Variants in NFIC observed in about 807,000 individuals in gnomAD.
The protein encoded by NFIC is nuclear factor 1 C-type.
In NFIC, 12 loss-of-function variants were observed where a neutral mutation model predicts 54.4. The observed-to-expected ratio is 0.22, with a 90% CI of 0.14 to 0.36. The LOEUF is 0.36. Among genes scored for constraint, NFIC ranks in the 10% least tolerant of loss-of-function variants. The pLI is 1.00. For missense variants in NFIC, 575 were observed against 718.2 expected, an observed-to-expected ratio of 0.80 and a Z score of 2.28; for synonymous variants, 322 against 319.2, an observed-to-expected ratio of 1.01 and a Z score of -0.09.
intron 2 of NFIC, among the ~76,000 whole-genome samples, chr19:3,392,918 C>G (rs561660606): frequency 2.6e-5 from 4 of 152,298 alleles, no homozygotes; most frequent in African/African-American, 9.6e-5. Flanking sequence ...TGGCTCTTGT[C>G]CCTTCTAAGT....
intron 2 of NFIC, 64 bp from the exon 3 acceptor site, chr19:3,425,042 A>G: frequency 6.4e-7 from 1 of 1,570,178 alleles, no homozygotes; most frequent in Non-Finnish European, 8.7e-7. Flanking sequence ...CAGCATCGAC[A>G]CTTCATCTGC....
At chr19:3,457,745 G>T (rs2082581292) in intron 10 of NFIC, 1 of 152,284 alleles carries the variant, frequency 6.6e-6, no homozygotes, top group African/African-American at 2.4e-5. Flanking sequence ...CACGGGCAAG[G>T]GTCACGGGGC....
At chr19:3,371,881 C>CTCCTTCCTTCCTTCCT (rs758286013) in intron 1 of NFIC, among the ~76,000 whole-genome samples, 15 of 99,914 alleles carry the variant, frequency 1.5e-4, no homozygotes, top group East Asian at 3.3e-4. Flanking sequence ...TTCTTTCTCT[C>CTCCTTCCTTCCTTCCT]TCCTTCCTTC....
rs143130961 is a variant in NFIC, at chr19:3,437,593, G to A, written c.958+2386G>A. 2.7e-3 allele frequency among the ~76,000 whole-genome samples: 388 copies of A among 141,464 alleles called. 3 individuals are homozygous for A. The highest frequency in any genetic ancestry group is 0.025 in the East Asian group (117 of 4,682). 92.8% of individuals were successfully genotyped at this position (141,464 alleles called of 152,430 possible). On this transcript the variant is annotated intron_variant, in intron 6 of 10. Transcript: ENST00000443272. ...AGTCTTGCTTGTTTTGAGAGATCAC[G>A]CCAGTGCACGCCAGCCTGGGCAACA...
intron 2 of NFIC, among the ~76,000 whole-genome samples, chr19:3,414,943 G>C (rs1488210757): frequency 6.6e-6 from 1 of 151,828 alleles, no homozygotes; most frequent in South Asian, 2.1e-4. Flanking sequence ...GGGTTCAAGC[G>C]ATTCTCCTGC....
intron 2 of NFIC, among the ~76,000 whole-genome samples, chr19:3,414,254 C>T (rs1047078421): frequency 6.6e-6 from 1 of 152,154 alleles, no homozygotes; most frequent in African/African-American, 2.4e-5. Flanking sequence ...AGGCAGGTCA[C>T]ATGCAGTCTC....
chr19:3,414,688 C>T (rs1304408198), intron 2 of NFIC, among the ~76,000 whole-genome samples: 1 of 151,920 alleles, frequency 6.6e-6, no homozygotes, highest in East Asian at 1.9e-4. Flanking sequence ...CAAGAATAGG[C>T]AACCCCTTCT....
In NFIC at chr19:3,372,528, C is replaced by T. The variant is rs374701097; in HGVS notation, c.30+5862C>T. ...CCCTTGTGGGACCGACAGTCTAGGCCGGGTCGGGGACGGGCAGGAAACGAG... is the reference window on the plus strand; with the variant it reads ...CCCTTGTGGGACCGACAGTCTAGGCTGGGTCGGGGACGGGCAGGAAACGAG... On this transcript the variant is annotated intron_variant, in intron 1 of 10. Coordinates refer to ENST00000443272, the MANE Select transcript of NFIC (RefSeq NM_001245002.2). Among the ~76,000 whole-genome samples, 38 of 152,230 alleles carry T rather than the reference C, an allele frequency of 2.5e-4. No homozygotes were observed. In the East Asian group the frequency reaches 4.3e-3, roughly 17 times the overall value.
chr19:3,462,861 T>C lies in NFIC; in HGVS notation c.*92T>C, dbSNP rs2082661562. On this transcript the variant is annotated 3_prime_UTR_variant, in exon 11 of 11. Coordinates refer to ENST00000443272, the MANE Select transcript of NFIC (RefSeq NM_001245002.2). The stretch of plus-strand genomic sequence containing the variant: ...CCCGGCCCACGTTTTCGGTGGAAAA[T>C]TAGAGTGAACAAGAACACCCCTGCC... The C allele has an allele frequency of 2.5e-6, 4 of 1,606,328 alleles. No individual in the cohort carries two copies. The highest frequency in any genetic ancestry group is 4.5e-5 in the East Asian group (2 of 44,724).
At chr19:3,360,658 G>T (rs888244365) in intron 1 of NFIC, among the ~76,000 whole-genome samples, 5 of 152,224 alleles carry the variant, frequency 3.3e-5, no homozygotes, top group Non-Finnish European at 7.3e-5. Flanking sequence ...ACGTGCTGGC[G>T]CGTGTTGTGT....
Position 3,435,195 on chromosome 19 carries a change from G to A in NFIC, c.946G>A (p.Asp316Asn), listed in dbSNP as rs773151002. The A allele has an allele frequency of 1.6e-5, 25 of 1,601,832 alleles. No homozygotes were observed. The South Asian group carries it at 2.2e-4, about 14-fold the overall frequency. Residue 316 changes from aspartate (D) to asparagine (N), a missense_variant, in exon 6 of 11, where the codon GAC (aspartate) becomes AAC (asparagine). This residue lies in a region of NFIC where 447 missense variants were observed against 526.9 expected (regional missense o/e 0.85). Coordinates refer to ENST00000443272, the MANE Select transcript of NFIC (RefSeq NM_001245002.2). ...GAGTAGCAGCCGCAACTGGACGGAG[G>A]ACATGGAAGGAGGTAGGGCTGGTGG... ...PTSSSRNWTE[D>N]MEGGISSPVK...
At chr19:3,406,997 G>C (rs975792638) in intron 2 of NFIC, among the ~76,000 whole-genome samples, 14 of 151,948 alleles carry the variant, frequency 9.2e-5, no homozygotes, top group African/African-American at 2.2e-4. Context: ...GAGTGAGCGA[G>C]GGGGAGAGAG....
Position 3,453,451 on chromosome 19 carries a change from C to T in NFIC, c.1270-312C>T, listed in dbSNP as rs1032163089. Among the ~76,000 whole-genome samples the T allele has an allele frequency of 6.6e-6, 1 of 152,158 alleles. No homozygotes were observed. The highest frequency in any genetic ancestry group is 1.5e-5 in the Non-Finnish European group (1 of 68,028). ...AATTAGGAAAAACGCGGAGAACCTGCTGTTAGGAGGCGGTGGCACTGTTTG... is the reference window on the plus strand; with the variant it reads ...AATTAGGAAAAACGCGGAGAACCTGTTGTTAGGAGGCGGTGGCACTGTTTG... On this transcript the variant is annotated intron_variant, in intron 8 of 10. Coordinates refer to ENST00000443272, the MANE Select transcript of NFIC (RefSeq NM_001245002.2). The surrounding 1 kb of genome is among the most constrained non-coding windows in gnomAD (Gnocchi z 6.7).
At chr19:3,383,403 G>A (rs528411293) in intron 2 of NFIC, among the ~76,000 whole-genome samples, 1 of 152,302 alleles carries the variant, frequency 6.6e-6, no homozygotes. Context: ...GGTCCTGGCA[G>A]GAGCGTGGAG....
At chr19:3,435,274 C>T (rs1217961312) in intron 6 of NFIC, 67 bp downstream of exon 6, 2 of 1,452,268 alleles carry the variant, frequency 1.4e-6, no homozygotes, top group African/African-American at 1.4e-5. Context: ...ACTACGTCTT[C>T]CGGCAGCCAC....
At chr19:3,380,221 G>A (rs1385484717) in intron 1 of NFIC, among the ~76,000 whole-genome samples, 1 of 145,794 alleles carries the variant, frequency 6.9e-6, no homozygotes, top group Non-Finnish European at 1.5e-5. Flanking sequence ...AGCCAGGATG[G>A]TCTCAATCTC....
intron 2 of NFIC, among the ~76,000 whole-genome samples, chr19:3,402,560 C>G (rs940378403): frequency 1.3e-5 from 2 of 152,224 alleles, no homozygotes; most frequent in African/African-American, 4.8e-5. Flanking sequence ...TGACATTCCA[C>G]TGGGGAGATG....
At chr19:3,450,373 C>T (rs1211095897) in intron 7 of NFIC, among the ~76,000 whole-genome samples, 6 of 142,490 alleles carry the variant, frequency 4.2e-5, no homozygotes, top group East Asian at 4.3e-4. Context: ...ATCTCCATCT[C>T]GGCCAGGCAC....
intron 2 of NFIC, among the ~76,000 whole-genome samples, chr19:3,412,666 T>G (rs1353779259): frequency 2.6e-5 from 4 of 152,222 alleles, no homozygotes; most frequent in African/African-American, 7.2e-5. Context: ...TCCTGGAGAT[T>G]GTCAGCCCCA....
Sources: gnomAD v4.1 joint callset for allele counts (sites outside exome capture counted in the v4.1 genomes callset) on GRCh38, gnomAD v4.1.1 for gene constraint, gnomAD v4.1.1 regional missense constraint, Gnocchi (gnomAD v3.1) non-coding constraint, MANE v1.5 for transcripts, NCBI Gene and HGNC (gene_info 2026-07-23, HGNC 2026-07-21) for gene names.